The following THEMIS variants were observed in gnomAD, a reference collection of about 807,000 sequenced individuals.
The protein encoded by THEMIS is protein THEMIS.
THEMIS carries 37 observed loss-of-function variants against 52.6 expected under a neutral mutation model. The ratio of observed to expected loss-of-function variants is 0.70; its 90% CI spans 0.54 to 0.93. THEMIS has a LOEUF of 0.93. Ranked by LOEUF, THEMIS falls within the 40% of genes least tolerant of loss-of-function variation. THEMIS has a pLI of 0.00. For missense variants in THEMIS, 808 were observed against 763.1 expected, an observed-to-expected ratio of 1.06 and a Z score of -0.69; for synonymous variants, 292 against 272.7, an observed-to-expected ratio of 1.07 and a Z score of -0.70.
intron 1 of THEMIS, among the ~76,000 whole-genome samples, chr6:127,884,035 C>T (rs1780570204): frequency 6.6e-6 from 1 of 152,150 alleles, no homozygotes; most frequent in Admixed American, 6.6e-5. Flanking sequence ...CATTAATACC[C>T]TACTACAAAT....
chr6:127,817,978 G>T (rs1180686746), intron 3 of THEMIS, among the ~76,000 whole-genome samples: 2 of 152,128 alleles, frequency 1.3e-5, no homozygotes, highest in Non-Finnish European at 2.9e-5. Context: ...AGAGCATTCT[G>T]TTCTCCTTAA....
chr6:127,805,337 C>A (rs1227359617), intron 4 of THEMIS, among the ~76,000 whole-genome samples: 2 of 152,150 alleles, frequency 1.3e-5, no homozygotes, highest in South Asian at 4.1e-4. Context: ...TCTAAGACAT[C>A]ATGATTATAC....
At chr6:127,874,857 G>C (rs768637214) in intron 1 of THEMIS, among the ~76,000 whole-genome samples, 16 of 152,204 alleles carry the variant, frequency 1.1e-4, no homozygotes, top group Non-Finnish European at 2.2e-4. Flanking sequence ...ATCATTGAGG[G>C]AAGTTGAGTA....
chr6:127,777,783 A>G (rs1365270887), intron 4 of THEMIS, among the ~76,000 whole-genome samples: 1 of 152,150 alleles, frequency 6.6e-6, no homozygotes, highest in Non-Finnish European at 1.5e-5. Flanking sequence ...TATTATTTTT[A>G]AAACACCATT....
intron 4 of THEMIS, among the ~76,000 whole-genome samples, chr6:127,802,249 TATACCC>T (rs1222513615): frequency 1.3e-5 from 2 of 152,160 alleles, no homozygotes; most frequent in Admixed American, 6.5e-5. Flanking sequence ...GTCCAGAAGA[TATACCC>T]TTGACCAATG....
intron 4 of THEMIS, among the ~76,000 whole-genome samples, chr6:127,803,009 C>A (rs1236335483): frequency 6.6e-6 from 1 of 152,162 alleles, no homozygotes; most frequent in Admixed American, 6.5e-5. Flanking sequence ...CTTTCCTTAT[C>A]TTGTACCTTT....
rs140512058 is a variant in THEMIS, at chr6:127,746,133, C to G, written c.1759-26310G>C. Among the ~76,000 whole-genome samples the G allele has an allele frequency of 3.4e-3, 523 of 151,912 alleles. 3 individuals are homozygous for G. Among genetic ancestry groups the G allele is most frequent in the African/African-American group, 0.012 (485 of 41,510 alleles). On this transcript the variant is annotated intron_variant, in intron 4 of 5. Transcript: ENST00000368248. ...CCAAGTATTTCTTTGACTTGTTCTA[C>G]TTCCAAGGAATAATTATCTATTATA...
intron 3 of THEMIS, among the ~76,000 whole-genome samples, chr6:127,815,246 A>G (rs1778086194): frequency 6.6e-6 from 1 of 152,140 alleles, no homozygotes; most frequent in African/African-American, 2.4e-5. Flanking sequence ...ACTAACATAA[A>G]TTTTATAGCA....
chr6:127,873,021 A>C (rs1034511420), intron 1 of THEMIS, among the ~76,000 whole-genome samples: 1 of 152,240 alleles, frequency 6.6e-6, no homozygotes, highest in African/African-American at 2.4e-5. Context: ...GTGGATAATG[A>C]AATTCAAAAT....
intron 1 of THEMIS, among the ~76,000 whole-genome samples, chr6:127,860,144 T>A (rs778070621): frequency 6.6e-6 from 1 of 152,170 alleles, no homozygotes; most frequent in Non-Finnish European, 1.5e-5. Flanking sequence ...GACATTTATA[T>A]GGCCAGTCTT....
chr6:127,844,255 T>G (rs908331457), intron 2 of THEMIS, among the ~76,000 whole-genome samples: 1 of 151,956 alleles, frequency 6.6e-6, no homozygotes, highest in Non-Finnish European at 1.5e-5. Context: ...AATTAGTAAT[T>G]TATATATACA....
chr6:127,703,492 C>G (rs886290142), downstream of THEMIS, among the ~76,000 whole-genome samples: 1 of 152,036 alleles, frequency 6.6e-6, no homozygotes, highest in Non-Finnish European at 1.5e-5. Flanking sequence ...GCTCAGACAC[C>G]AAGCTGCAGC....
chr6:127,782,595 G>A (rs368128015), intron 4 of THEMIS, among the ~76,000 whole-genome samples: 24 of 152,284 alleles, frequency 1.6e-4, no homozygotes, highest in African/African-American at 4.3e-4. Flanking sequence ...GCAATGCCCC[G>A]CCCTGCTTTG....
chr6:127,814,639 G>A (rs1036448711), intron 3 of THEMIS, among the ~76,000 whole-genome samples: 1 of 152,230 alleles, frequency 6.6e-6, no homozygotes, highest in African/African-American at 2.4e-5. Context: ...ACAATCAGAG[G>A]AGCCATTCAA....
intron 4 of THEMIS, among the ~76,000 whole-genome samples, chr6:127,726,070 A>G (rs1435676106): frequency 6.6e-6 from 1 of 152,118 alleles, no homozygotes; most frequent in Non-Finnish European, 1.5e-5. Context: ...CTGGGCTGGC[A>G]GTTGATCAGG....
intron 4 of THEMIS, among the ~76,000 whole-genome samples, chr6:127,799,549 TTCTA>T (rs764380971): frequency 0.11 from 9,370 of 85,920 alleles, 302 homozygotes; most frequent in Non-Finnish European, 0.17. Context: ...CTTTCTTTCT[TTCTA>T]TCTTTCTTTC....
chr6:127,839,627 C>CA (rs1177333284), intron 2 of THEMIS, among the ~76,000 whole-genome samples: 1 of 152,094 alleles, frequency 6.6e-6, no homozygotes, highest in African/African-American at 2.4e-5. Flanking sequence ...CTAAGCCTTT[C>CA]AAAGAGCTGG....
intron 1 of THEMIS, among the ~76,000 whole-genome samples, chr6:127,897,498 C>A (rs1415228345): frequency 1.3e-5 from 2 of 151,262 alleles, no homozygotes; most frequent in African/African-American, 4.8e-5. Flanking sequence ...TAAACCACCT[C>A]TGCAAAAAAG....
chr6:127,832,775 A>ATATTT (rs1251377975), intron 2 of THEMIS, among the ~76,000 whole-genome samples: 3 of 54,034 alleles, frequency 5.6e-5, no homozygotes, highest in Admixed American at 2.2e-4. Flanking sequence ...GGATTGTCAG[A>ATATTT]TCTTTTTTTT....
Sources: allele counts gnomAD v4.1 joint callset (sites outside exome capture counted in the v4.1 genomes callset), GRCh38; gene constraint gnomAD v4.1.1; transcripts MANE v1.5; gene names NCBI Gene and HGNC (gene_info 2026-07-23, HGNC 2026-07-21).